The following FSTL5 variants were observed in gnomAD, a reference collection of about 807,000 sequenced individuals.
FSTL5 encodes the protein follistatin like 5.
FSTL5 carries 62 observed loss-of-function variants against 89.1 expected under a neutral mutation model. That is an observed-to-expected ratio of 0.70 (90% confidence interval 0.57 to 0.86). The LOEUF is 0.86. Among genes scored for constraint, FSTL5 ranks in the 40% least tolerant of loss-of-function variants. The pLI, the probability that FSTL5 is intolerant of heterozygous loss-of-function variation, is 0.00. For missense variants in FSTL5, 1,057 were observed against 1,001.6 expected, an observed-to-expected ratio of 1.06 and a Z score of -0.75; for synonymous variants, 383 against 346.2, an observed-to-expected ratio of 1.11 and a Z score of -1.18.
At chr4:161,395,425 TTTTC>T (rs1730963432) in intron 15 of FSTL5, among the ~76,000 whole-genome samples, 2 of 152,096 alleles carry the variant, frequency 1.3e-5, no homozygotes, top group South Asian at 2.1e-4. Flanking sequence ...AGAAATAAAT[TTTTC>T]TTTCTATTGC....
intron 13 of FSTL5, among the ~76,000 whole-genome samples, chr4:161,473,974 C>A (rs1271294705): frequency 6.6e-6 from 1 of 152,152 alleles, no homozygotes; most frequent in African/African-American, 2.4e-5. Flanking sequence ...TAAGAAGGCA[C>A]TTCCTTTTGT....
Position 161,952,646 on chromosome 4 carries a change from A to G in FSTL5, c.161-31994T>C, listed in dbSNP as rs559484938. Among the ~76,000 whole-genome samples the G allele has an allele frequency of 2.0e-5, 3 of 152,066 alleles. No homozygotes were observed. The East Asian group carries it at 5.8e-4, about 29-fold the overall frequency. On this transcript the variant is annotated intron_variant, in intron 3 of 15. Transcript: ENST00000306100. ...TAAACATGGTTAGTGTTTTACCTTAATATTTAAATTCAATACATTAATTAA... is the reference window on the plus strand; with the variant it reads ...TAAACATGGTTAGTGTTTTACCTTAGTATTTAAATTCAATACATTAATTAA...
intron 3 of FSTL5, among the ~76,000 whole-genome samples, chr4:161,920,880 T>C (rs1483478559): frequency 6.6e-6 from 1 of 152,034 alleles, no homozygotes; most frequent in East Asian, 1.9e-4. Flanking sequence ...AGCTCTCTTC[T>C]CCCTCCCCAG....
intron 4 of FSTL5, among the ~76,000 whole-genome samples, chr4:161,818,631 C>T (rs896877620): frequency 6.6e-6 from 1 of 152,160 alleles, no homozygotes; most frequent in African/African-American, 2.4e-5. Flanking sequence ...GAGCCACACC[C>T]CCATTGCACG....
chr4:161,551,596 C>A (rs966324199), intron 8 of FSTL5, among the ~76,000 whole-genome samples: 6 of 151,928 alleles, frequency 3.9e-5, no homozygotes, highest in Non-Finnish European at 8.8e-5. Context: ...TACTACAAGG[C>A]TACAGTAACC....
chr4:162,123,388 A>G (rs1259990857), intron 1 of FSTL5, among the ~76,000 whole-genome samples: 1 of 152,158 alleles, frequency 6.6e-6, no homozygotes, highest in Non-Finnish European at 1.5e-5. Flanking sequence ...AAGACCCAAG[A>G]TATTTTCCAG....
intron 13 of FSTL5, among the ~76,000 whole-genome samples, chr4:161,466,854 C>T (rs1342936422): frequency 2.6e-5 from 4 of 151,944 alleles, no homozygotes; most frequent in Non-Finnish European, 5.9e-5. Flanking sequence ...CCAATGATCT[C>T]CTAATGCTAA....
chr4:161,648,311 C>T (rs1048625435), intron 7 of FSTL5, among the ~76,000 whole-genome samples: 2 of 152,100 alleles, frequency 1.3e-5, no homozygotes, highest in Non-Finnish European at 2.9e-5. Flanking sequence ...AAGCATTCAC[C>T]CCTAGACACT....
chr4:161,807,228 C>CACACACACAT (rs1415201641), intron 4 of FSTL5, among the ~76,000 whole-genome samples: 1 of 140,458 alleles, frequency 7.1e-6, no homozygotes, highest in Non-Finnish European at 1.6e-5. Flanking sequence ...CACACACACA[C>CACACACACAT]ATATATATTT....
intron 5 of FSTL5, among the ~76,000 whole-genome samples, chr4:161,762,646 A>G (rs766015980): frequency 1.3e-5 from 2 of 152,232 alleles, no homozygotes; most frequent in Non-Finnish European, 2.9e-5. Context: ...GGTATAAGAG[A>G]TAACAAGATA....
intron 4 of FSTL5, among the ~76,000 whole-genome samples, chr4:161,782,453 T>C (rs1262592173): frequency 6.6e-6 from 1 of 152,184 alleles, no homozygotes; most frequent in African/African-American, 2.4e-5. Context: ...TGTGTAGTGG[T>C]AGTTCCTTCT....
Position 161,848,036 on chromosome 4 carries a change from C to CAAAAAA in FSTL5, c.410-71968_410-71963dup, listed in dbSNP as rs139315536. Among the ~76,000 whole-genome samples the CAAAAAA allele has an allele frequency of 1.0e-3, 48 of 48,208 alleles. 4 individuals are homozygous for CAAAAAA. The highest frequency in any genetic ancestry group is 1.2e-3 in the African/African-American group (13 of 10,984). The allele number at this position is 48,208 out of a possible 152,430, so 31.6% of individuals were successfully genotyped here. On this transcript the variant is annotated intron_variant, in intron 4 of 15. Transcript: ENST00000306100. ...GGGTGACAAGAGCAAGACTCCGTCTCAAAAAAAAAAAAAAAAAAAAAAAAA... is the reference window on the plus strand; with the variant it reads ...GGGTGACAAGAGCAAGACTCCGTCTCAAAAAAAAAAAAAAAAAAAAAAAAAAAAAAA...
At chr4:161,841,207 A>G (rs146940858) in intron 4 of FSTL5, among the ~76,000 whole-genome samples, 1,569 of 152,266 alleles carry the variant, frequency 0.01, 31 homozygotes, top group African/African-American at 0.036. Context: ...TGCATACACC[A>G]TTTATTTTTC....
intron 2 of FSTL5, among the ~76,000 whole-genome samples, chr4:162,067,491 T>C (rs2111299997): frequency 6.6e-6 from 1 of 152,186 alleles, no homozygotes; most frequent in South Asian, 2.1e-4. Flanking sequence ...TTCCTTTGGG[T>C]ATATACCCAG....
chr4:161,746,451 A>G (rs1186245549), intron 6 of FSTL5, among the ~76,000 whole-genome samples: 1 of 152,152 alleles, frequency 6.6e-6, no homozygotes, highest in African/African-American at 2.4e-5. Context: ...AATGTTTACA[A>G]GCCAGCTCTC....
chr4:162,038,069 T>C (rs544525930), intron 2 of FSTL5, among the ~76,000 whole-genome samples: 94 of 151,938 alleles, frequency 6.2e-4, no homozygotes, highest in Non-Finnish European at 1.2e-3. Flanking sequence ...AAAACATTCT[T>C]ACATTAGGAA....
intron 4 of FSTL5, among the ~76,000 whole-genome samples, chr4:161,796,737 T>C (rs1401391663): frequency 6.6e-6 from 1 of 151,678 alleles, no homozygotes; most frequent in East Asian, 1.9e-4. Context: ...GAATATTTTA[T>C]TATACATATT....
intron 4 of FSTL5, among the ~76,000 whole-genome samples, chr4:161,798,063 T>C (rs1440303594): frequency 6.6e-6 from 1 of 151,696 alleles, no homozygotes; most frequent in Non-Finnish European, 1.5e-5. Context: ...TATTAACCTA[T>C]ATAATACTAA....
At chr4:161,612,544 C>T (rs1734688858) in intron 7 of FSTL5, among the ~76,000 whole-genome samples, 1 of 152,170 alleles carries the variant, frequency 6.6e-6, no homozygotes, top group African/African-American at 2.4e-5. Flanking sequence ...CCTCCATTAA[C>T]ACATTAAAAT....
Sources: gnomAD v4.1 joint callset for allele counts (sites outside exome capture counted in the v4.1 genomes callset) on GRCh38, gnomAD v4.1.1 for gene constraint, MANE v1.5 for transcripts, NCBI Gene and HGNC (gene_info 2026-07-23, HGNC 2026-07-21) for gene names.